Variants in FLT1 observed in about 807,000 individuals in gnomAD.
FLT1 encodes fms related receptor tyrosine kinase 1.
Under a neutral mutation model 156.3 loss-of-function variants are expected in FLT1, and 49 were observed. The ratio of observed to expected loss-of-function variants is 0.31; its 90% CI spans 0.25 to 0.40. The LOEUF (loss-of-function observed/expected upper bound fraction) is 0.40, where lower values mean the gene tolerates loss of function less well. Ranked by LOEUF, FLT1 falls within the 10% of genes least tolerant of loss-of-function variation. The pLI is 1.00. For synonymous variants in FLT1, 594 were observed against 583.8 expected, an observed-to-expected ratio of 1.02 and a Z score of -0.25; for missense variants, 1,322 against 1,637.2, an observed-to-expected ratio of 0.81 and a Z score of 3.32.
intron 10 of FLT1, among the ~76,000 whole-genome samples, chr13:28,426,130 C>CTTTTTTTTTT (rs113958200): frequency 6.1e-5 from 8 of 131,124 alleles, no homozygotes; most frequent in African/African-American, 2.3e-4. Context: ...TCCTGTCAAT[C>CTTTTTTTTTT]TTTTTTTTTT....
intron 4 of FLT1, among the ~76,000 whole-genome samples, chr13:28,436,398 G>A (rs1878023495): frequency 6.6e-6 from 1 of 152,218 alleles, no homozygotes; most frequent in Non-Finnish European, 1.5e-5. Context: ...ATACGTCATA[G>A]GTTAGAATAT....
chr13:28,322,169 T>C lies in FLT1; in HGVS notation c.3051+93A>G, dbSNP rs981206134. ...GGTGTTTGTTCTACATTTAAGAACATAGGTATCAGCAAATACTAGGAAAAA... is the reference window on the plus strand; with the variant it reads ...GGTGTTTGTTCTACATTTAAGAACACAGGTATCAGCAAATACTAGGAAAAA... On this transcript the variant is annotated intron_variant, in intron 22 of 29. Coordinates refer to ENST00000282397, the MANE Select transcript of FLT1 (RefSeq NM_002019.4). This position sits in a 1 kb window ranked among gnomAD's most constrained non-coding sequence, Gnocchi z 4.3. 3 of 831,810 alleles carry C rather than the reference T, an allele frequency of 3.6e-6. No homozygotes were observed. Among genetic ancestry groups the C allele is most frequent in the Admixed American group, 1.7e-5 (1 of 58,056 alleles). 51.5% of individuals were successfully genotyped at this position (831,810 alleles called of 1,614,324 possible). A position where few individuals can be genotyped will look rare whatever the true frequency, so the allele number is the denominator to read the frequency against.
At chr13:28,318,841 G>A (rs1871314945) in intron 24 of FLT1, among the ~76,000 whole-genome samples, 1 of 152,144 alleles carries the variant, frequency 6.6e-6, no homozygotes, top group South Asian at 2.1e-4. Context: ...GCTTTGAACA[G>A]GACTTCCAGC....
In FLT1 at chr13:28,488,480, A is replaced by AAAACAAAC. The variant is rs35434341; in HGVS notation, c.64+6292_64+6299dup. On this transcript the variant is annotated intron_variant, in intron 1 of 29. Coordinates refer to ENST00000282397, the MANE Select transcript of FLT1 (RefSeq NM_002019.4). ...TCAATGCTTCTCGATTTTTAATGAA[A>AAAACAAAC]AAACAAACAAACAAAACCACGTGGG... 5.2e-3 allele frequency among the ~76,000 whole-genome samples: 784 copies of AAAACAAAC among 151,414 alleles called. 10 individuals are homozygous for AAAACAAAC. Among genetic ancestry groups the AAAACAAAC allele is most frequent in the African/African-American group, 0.018 (755 of 41,238 alleles).
At position 28,357,539 on chromosome 13, in the gene FLT1, T is replaced by C. The variant is rs1593705650; in HGVS notation, c.2248+15A>G. 1.2e-6 allele frequency: 2 copies of C among 1,613,984 alleles called. No individual in the cohort carries two copies. The highest frequency in any genetic ancestry group is 2.7e-5 in the African/African-American group (2 of 75,062). ...TCTGACCAATTTCTTGTTGCTTTCT[T>C]AAGCAGCTGTTTACCTTGAACAGTG... On this transcript the variant is annotated intron_variant, in intron 15 of 29. Coordinates refer to ENST00000282397, the MANE Select transcript of FLT1 (RefSeq NM_002019.4).
Position 28,415,797 on chromosome 13 carries a change from C to T in FLT1, c.1437-9903G>A, listed in dbSNP as rs547087590. Among the ~76,000 whole-genome samples the T allele has an allele frequency of 7.9e-5, 12 of 152,314 alleles. No individual in the cohort carries two copies. In the South Asian group the frequency reaches 1.0e-3, roughly 13 times the overall value. ...GAGAGTAGATCCTTGGATACTGTAA[C>T]TCCTTTGATTTCCTAAATAATCTGA... On this transcript the variant is annotated intron_variant, in intron 10 of 29. Coordinates refer to ENST00000282397, the MANE Select transcript of FLT1 (RefSeq NM_002019.4).
At chr13:28,471,987 A>C (rs1393781697) in intron 1 of FLT1, among the ~76,000 whole-genome samples, 1 of 152,210 alleles carries the variant, frequency 6.6e-6, no homozygotes, top group Non-Finnish European at 1.5e-5. Context: ...AGTGTAGGCT[A>C]ATAGCATTAA....
intron 16 of FLT1, among the ~76,000 whole-genome samples, chr13:28,343,827 A>G (rs991733642): frequency 6.6e-6 from 1 of 151,626 alleles, no homozygotes; most frequent in South Asian, 2.1e-4. Flanking sequence ...TATTTTTAGT[A>G]GAGACGGGGT....
intron 14 of FLT1, among the ~76,000 whole-genome samples, chr13:28,371,745 T>C (rs775806950): frequency 5.3e-5 from 8 of 152,074 alleles, no homozygotes; most frequent in Non-Finnish European, 7.4e-5. Flanking sequence ...AAAAGAAACC[T>C]GAAAAGGCAT....
intron 1 of FLT1, among the ~76,000 whole-genome samples, chr13:28,484,573 A>G (rs1881038095): frequency 6.6e-6 from 1 of 152,216 alleles, no homozygotes; most frequent in South Asian, 2.1e-4. Flanking sequence ...AGATGTGAAC[A>G]GTGTCTGCCA....
chr13:28,465,986 T>A (rs925976314), intron 3 of FLT1, among the ~76,000 whole-genome samples: 4 of 152,152 alleles, frequency 2.6e-5, no homozygotes, highest in African/African-American at 4.8e-5. Context: ...GGTTGGTTGT[T>A]TTCTTTTGTT....
intron 10 of FLT1, among the ~76,000 whole-genome samples, chr13:28,415,654 ACATAT>A (rs1260598393): frequency 1.3e-5 from 2 of 152,228 alleles, no homozygotes. Flanking sequence ...ATTCATGGAA[ACATAT>A]CAGAATACAA....
intron 14 of FLT1, among the ~76,000 whole-genome samples, chr13:28,374,952 G>A (rs1053836275): frequency 6.6e-6 from 1 of 152,012 alleles, no homozygotes. Flanking sequence ...CTATTCATAC[G>A]AATAGATGTT....
chr13:28,446,994 A>G (rs1208699710), intron 3 of FLT1, among the ~76,000 whole-genome samples: 1 of 152,096 alleles, frequency 6.6e-6, no homozygotes, highest in Non-Finnish European at 1.5e-5. Flanking sequence ...GTCTATGGCC[A>G]CTTGATTTTC....
chr13:28,368,041 T>G (rs1873366413), intron 14 of FLT1: 3 of 472,550 alleles, frequency 6.3e-6, no homozygotes, highest in Non-Finnish European at 5.5e-6. Flanking sequence ...ATGTGTTGCT[T>G]ATTTTCATTT....
At chr13:28,486,287 T>C (rs1161365169) in intron 1 of FLT1, among the ~76,000 whole-genome samples, 7 of 152,198 alleles carry the variant, frequency 4.6e-5, no homozygotes, top group Non-Finnish European at 1.0e-4. Flanking sequence ...GCCAGCTCTG[T>C]CTCCAACCAG....
intron 3 of FLT1, among the ~76,000 whole-genome samples, chr13:28,442,847 GT>G (rs1420577826): frequency 6.6e-6 from 1 of 152,112 alleles, no homozygotes. Flanking sequence ...AACATATTTT[GT>G]TTTGTAGGAC....
intron 1 of FLT1, among the ~76,000 whole-genome samples, chr13:28,480,974 G>A (rs1002405492): frequency 6.6e-6 from 1 of 152,188 alleles, no homozygotes; most frequent in African/African-American, 2.4e-5. Context: ...TTCTTAACGT[G>A]TCCTTCCTTT....
At chr13:28,328,904 C>A (rs993927422) in intron 19 of FLT1, among the ~76,000 whole-genome samples, 1 of 152,194 alleles carries the variant, frequency 6.6e-6, no homozygotes, top group Non-Finnish European at 1.5e-5. Flanking sequence ...GGGGCCGTGT[C>A]GAGGTCCCTC....
Sources: allele counts gnomAD v4.1 joint callset (sites outside exome capture counted in the v4.1 genomes callset), GRCh38; gene constraint gnomAD v4.1.1; non-coding constraint Gnocchi (gnomAD v3.1); transcripts MANE v1.5; gene names NCBI Gene and HGNC (gene_info 2026-07-23, HGNC 2026-07-21).